The following HERC4 variants were observed in gnomAD, a reference collection of about 807,000 sequenced individuals.
The protein encoded by HERC4 is probable E3 ubiquitin-protein ligase HERC4.
HERC4 carries 28 observed loss-of-function variants against 124.3 expected under a neutral mutation model. The ratio of observed to expected loss-of-function variants is 0.23; its 90% CI spans 0.17 to 0.31. The LOEUF is 0.31. Among genes scored for constraint, HERC4 ranks in the 10% least tolerant of loss-of-function variants. HERC4 has a pLI of 1.00. For missense variants in HERC4, 713 were observed against 1,229.3 expected, an observed-to-expected ratio of 0.58 and a Z score of 6.28; for synonymous variants, 407 against 421.5, an observed-to-expected ratio of 0.97 and a Z score of 0.42.
chr10:68,063,807 C>T (rs994595387), intron 3 of HERC4, among the ~76,000 whole-genome samples: 8 of 151,374 alleles, frequency 5.3e-5, no homozygotes, highest in Admixed American at 2.0e-4. Flanking sequence ...GGCATGTTGA[C>T]GGGCATCTGT....
At chr10:68,060,301 G>C (rs1031964262) in intron 3 of HERC4, among the ~76,000 whole-genome samples, 1 of 152,022 alleles carries the variant, frequency 6.6e-6, no homozygotes, top group African/African-American at 2.4e-5. Flanking sequence ...ACAGTGGCAC[G>C]ATCTCAATTC....
chr10:67,943,436 T>C (rs1293196870), intron 19 of HERC4, among the ~76,000 whole-genome samples: 12 of 152,172 alleles, frequency 7.9e-5, no homozygotes, highest in Admixed American at 3.9e-4. Flanking sequence ...GCAGAAAAAA[T>C]TGAAATAGTA....
intron 7 of HERC4, among the ~76,000 whole-genome samples, chr10:68,029,961 A>G (rs995658427): frequency 6.6e-6 from 1 of 151,456 alleles, no homozygotes; most frequent in East Asian, 2.0e-4. Context: ...GATGGTCTCG[A>G]ACTCCTGACC....
At chr10:68,059,696 T>G (rs111209619) in intron 3 of HERC4, among the ~76,000 whole-genome samples, 1 of 59,894 alleles carries the variant, frequency 1.7e-5, no homozygotes, top group Non-Finnish European at 2.3e-5. Context: ...TATTATATAT[T>G]ATAATATTAT....
chr10:68,028,630 C>T (rs1205880056), intron 7 of HERC4, among the ~76,000 whole-genome samples: 1 of 152,044 alleles, frequency 6.6e-6, no homozygotes, highest in Non-Finnish European at 1.5e-5. Context: ...CTTCTAGGAC[C>T]TTTCACTCGT....
At chr10:67,951,992 A>G (rs2033825463) in intron 19 of HERC4, among the ~76,000 whole-genome samples, 1 of 152,086 alleles carries the variant, frequency 6.6e-6, no homozygotes, top group African/African-American at 2.4e-5. Context: ...GTTCTCCACC[A>G]CACCTCAATG....
Position 67,954,639 on chromosome 10 carries a change from A to C in HERC4, c.2293T>G (p.Phe765Val). Reference sequence around the variant, plus strand: ...AGCCTGGAATCTTCATAATACCTAAACATGCCGTATTTAGGATCCAATAAT... The same window carrying C: ...AGCCTGGAATCTTCATAATACCTAACCATGCCGTATTTAGGATCCAATAAT... ...RELLDPKYGM[F>V]RYYEDSRLIW... The change falls in exon 19 of 25, where the codon TTT becomes GTT. Residue 765 changes from phenylalanine to valine, a missense_variant. Phe to Val is a conservative substitution (Grantham distance 50). Coordinates refer to ENST00000373700, the MANE Select transcript of HERC4 (RefSeq NM_015601.4). The C allele has an allele frequency of 2.5e-6, 4 of 1,613,566 alleles. No individual in the cohort carries two copies. The highest frequency in any genetic ancestry group is 3.4e-6 in the Non-Finnish European group (4 of 1,179,696).
intron 9 of HERC4, chr10:68,010,453 A>C (rs942741763): frequency 1.5e-5 from 14 of 940,070 alleles, no homozygotes; most frequent in African/African-American, 1.6e-5. Flanking sequence ...TTCTGGCGCC[A>C]ATTACAGAAC....
At chr10:67,943,541 A>AAT (rs1362651401) in intron 19 of HERC4, among the ~76,000 whole-genome samples, 1 of 152,230 alleles carries the variant, frequency 6.6e-6, no homozygotes, top group Non-Finnish European at 1.5e-5. Flanking sequence ...GTAAACATAA[A>AAT]GACTCTAAAA....
At chr10:67,931,560 G>A (rs2031812824) in intron 23 of HERC4, among the ~76,000 whole-genome samples, 3 of 151,928 alleles carry the variant, frequency 2.0e-5, no homozygotes, top group Admixed American at 2.0e-4. Context: ...AAGTAGCTGG[G>A]ATTACAGGTG....
intron 15 of HERC4, among the ~76,000 whole-genome samples, chr10:67,978,508 C>G (rs980784244): frequency 1.3e-5 from 2 of 152,254 alleles, no homozygotes; most frequent in Non-Finnish European, 2.9e-5. Flanking sequence ...GGCTCCCAGA[C>G]AGCACCTCTG....
intron 21 of HERC4, among the ~76,000 whole-genome samples, chr10:67,937,370 T>TAGA: frequency 6.6e-6 from 1 of 152,190 alleles, no homozygotes; most frequent in Admixed American, 6.5e-5. Context: ...GAAAAATCTC[T>TAGA]GAGAAAGAAA....
At chr10:67,991,222 T>C in intron 11 of HERC4, 23 bp from the exon 12 acceptor site, 1 of 1,377,570 alleles carries the variant, frequency 7.3e-7, no homozygotes, top group Non-Finnish European at 9.9e-7. Context: ...AAAAAGTTTT[T>C]TTAATCATAG....
chr10:67,975,191 A>T (rs1284703810), intron 15 of HERC4, among the ~76,000 whole-genome samples: 1 of 145,610 alleles, frequency 6.9e-6, no homozygotes, highest in Non-Finnish European at 1.5e-5. Flanking sequence ...CTCTGTCTTT[A>T]AAAAAAAAAA....
At chr10:67,930,341 C>T (rs2031658416) in intron 23 of HERC4, among the ~76,000 whole-genome samples, 1 of 152,090 alleles carries the variant, frequency 6.6e-6, no homozygotes, top group Admixed American at 6.5e-5. Context: ...CATGGTTGTA[C>T]CACCAACCAT....
chr10:68,027,593 A>G (rs1173030377), intron 7 of HERC4, among the ~76,000 whole-genome samples: 1 of 152,236 alleles, frequency 6.6e-6, no homozygotes, highest in Non-Finnish European at 1.5e-5. Context: ...GCATCATGTC[A>G]CAAAGCATAT....
rs575891490 is a variant in HERC4, at chr10:68,049,385, C to G, written c.227-4822G>C. Reference sequence around the variant, plus strand: ...TTTTTAAAACTTTGGAAAGATAAGTCGGGCACAGTGGCTCACATCTGTAAT... The same window carrying G: ...TTTTTAAAACTTTGGAAAGATAAGTGGGGCACAGTGGCTCACATCTGTAAT... On this transcript the variant is annotated intron_variant, in intron 3 of 24. Transcript: ENST00000373700. 2.0e-5 allele frequency among the ~76,000 whole-genome samples: 3 copies of G among 151,980 alleles called. No homozygotes were observed. In the South Asian group the frequency reaches 6.2e-4, roughly 32 times the overall value.
chr10:67,928,888 T>C (rs2031468322), intron 23 of HERC4, among the ~76,000 whole-genome samples: 1 of 151,800 alleles, frequency 6.6e-6, no homozygotes, highest in Non-Finnish European at 1.5e-5. Context: ...GCCACTGCAC[T>C]CCAGCCTGGG....
At chr10:67,957,231 A>G (rs1461379954) in intron 16 of HERC4, among the ~76,000 whole-genome samples, 1 of 152,220 alleles carries the variant, frequency 6.6e-6, no homozygotes, top group Admixed American at 6.5e-5. Context: ...TCTTTTGCTT[A>G]GCATATGTTA....
Sources: gnomAD v4.1 joint callset for allele counts (sites outside exome capture counted in the v4.1 genomes callset) on GRCh38, gnomAD v4.1.1 for gene constraint, MANE v1.5 for transcripts, NCBI Gene and HGNC (gene_info 2026-07-23, HGNC 2026-07-21) for gene names.